Variants in RBFOX1 observed in about 807,000 individuals in gnomAD.
RBFOX1 encodes the protein RNA binding protein fox-1 homolog 1.
A neutral mutation model predicts 57.7 loss-of-function variants in RBFOX1; 8 were observed. That is an observed-to-expected ratio of 0.14 (90% confidence interval 0.08 to 0.25). RBFOX1 has a LOEUF of 0.25. RBFOX1 is among the 10% of genes least tolerant of loss of function. The probability of loss-of-function intolerance (pLI) is 1.00; values close to 1 mark genes in which losing one functional copy is unlikely to be tolerated. For missense variants in RBFOX1, 611 were observed against 548.5 expected (o/e 1.11, Z -1.14); for synonymous variants, 326 against 222.4 (o/e 1.47, Z -4.15).
chr16:6,406,714 T>G (rs1001970798), intron 2 of RBFOX1, among the ~76,000 whole-genome samples: 2 of 152,168 alleles, frequency 1.3e-5, no homozygotes, highest in African/African-American at 4.8e-5. Flanking sequence ...GGATAGAGGA[T>G]GCTGGGACCC....
At chr16:6,734,325 A>T (rs2069490117) in intron 3 of RBFOX1, among the ~76,000 whole-genome samples, 1 of 152,204 alleles carries the variant, frequency 6.6e-6, no homozygotes, top group Non-Finnish European at 1.5e-5. Flanking sequence ...AGGCAAAAAG[A>T]CTATCCTCTG....
At chr16:7,562,077 C>T (rs1392595558) in intron 5 of RBFOX1, among the ~76,000 whole-genome samples, 1 of 152,066 alleles carries the variant, frequency 6.6e-6, no homozygotes, top group African/African-American at 2.4e-5. Flanking sequence ...AGGGAGGCTG[C>T]TGGAAGATTG....
rs2080533291 is a variant in RBFOX1 at position 6,780,207 on chromosome 16, A to ATT, written c.-16+125559_-16+125560dup. On this transcript the variant is annotated intron_variant, in intron 3 of 15. Coordinates refer to ENST00000550418, the MANE Select transcript of RBFOX1 (RefSeq NM_018723.4). ...TATATATATTTATATATTTTTATAT[A>ATT]TTTATATATATTTATATATATATTT... 7.1e-5 allele frequency among the ~76,000 whole-genome samples: 3 copies of ATT among 42,416 alleles called. 1 individual carries two copies. Among genetic ancestry groups the ATT allele is most frequent in the African/African-American group, 5.4e-4 (3 of 5,520 alleles). The allele number at this position is 42,416 out of a possible 152,430, so 27.8% of individuals were successfully genotyped here.
intron 2 of RBFOX1, among the ~76,000 whole-genome samples, chr16:5,495,733 T>C (rs11647025): frequency 0.32 from 48,853 of 152,178 alleles, 9,780 homozygotes; most frequent in African/African-American, 0.57. Flanking sequence ...GATCCATAAA[T>C]ACCCATATCT....
At chr16:7,404,787 G>A (rs1189339732) in intron 4 of RBFOX1, among the ~76,000 whole-genome samples, 2 of 152,202 alleles carry the variant, frequency 1.3e-5, no homozygotes, top group African/African-American at 2.4e-5. Context: ...CAGGTAGAAT[G>A]CACAATAGGT....
chr16:7,147,797 T>C lies in RBFOX1; in HGVS notation c.27+95699T>C, dbSNP rs556509392. Among the ~76,000 whole-genome samples the C allele has an allele frequency of 5.9e-5, 9 of 152,308 alleles. No homozygotes were observed. In the East Asian group the frequency reaches 1.7e-3, roughly 29 times the overall value. ...GTGAACATGTGAGTGCGTGTGTCTT[T>C]TTGGTAGAACGATTTATTTTTCTTT... On this transcript the variant is annotated intron_variant, in intron 4 of 15. Transcript: ENST00000550418.
chr16:6,677,491 C>T (rs1478727131), intron 3 of RBFOX1, among the ~76,000 whole-genome samples: 2 of 152,142 alleles, frequency 1.3e-5, no homozygotes, highest in South Asian at 2.1e-4. Context: ...AAGTTTTAAA[C>T]ATCCAGCCTA....
intron 14 of RBFOX1, among the ~76,000 whole-genome samples, chr16:7,706,676 CT>C (rs1298736764): frequency 1.3e-5 from 2 of 152,172 alleles, no homozygotes; most frequent in Admixed American, 6.5e-5. Context: ...TTCAGTTTGC[CT>C]CTGCACTTCA....
rs970179270 is a variant in RBFOX1 at position 6,841,044 on chromosome 16, C to G, written c.-16+186394C>G. ...AGCCTCCAGAATTGGGAGAAATAAACTTGTTTTGTGCAAGCCACCTGTTTG... is the reference window on the plus strand; with the variant it reads ...AGCCTCCAGAATTGGGAGAAATAAAGTTGTTTTGTGCAAGCCACCTGTTTG... On this transcript the variant is annotated intron_variant, in intron 3 of 15. Coordinates refer to ENST00000550418, the MANE Select transcript of RBFOX1 (RefSeq NM_018723.4). Among the ~76,000 whole-genome samples, 18 of 152,116 alleles carry G rather than the reference C, an allele frequency of 1.2e-4. 1 individual carries two copies. Among genetic ancestry groups the G allele is most frequent in the Admixed American group, 2.6e-4 (4 of 15,260 alleles).
intron 4 of RBFOX1, among the ~76,000 whole-genome samples, chr16:7,130,308 T>A (rs775637763): frequency 5.9e-5 from 9 of 152,160 alleles, no homozygotes; most frequent in Non-Finnish European, 1.2e-4. Flanking sequence ...GTGCTGAGAT[T>A]GTAGGCATGA....
At chr16:7,295,973 G>C (rs2095879675) in intron 4 of RBFOX1, among the ~76,000 whole-genome samples, 1 of 152,166 alleles carries the variant, frequency 6.6e-6, no homozygotes. Context: ...AAAGAGAATA[G>C]TTATTCAAGC....
intron 1 of RBFOX1, among the ~76,000 whole-genome samples, chr16:5,284,017 A>G (rs1029723562): frequency 6.6e-6 from 1 of 152,142 alleles, no homozygotes; most frequent in African/African-American, 2.4e-5. Flanking sequence ...GAAGTAATTG[A>G]GTCATGGGGG....
chr16:6,984,308 G>A (rs1052380545), intron 3 of RBFOX1, among the ~76,000 whole-genome samples: 1 of 152,054 alleles, frequency 6.6e-6, no homozygotes, highest in Non-Finnish European at 1.5e-5. Context: ...AGAGAAATTT[G>A]ACCAGCCCTT....
At chr16:5,263,099 G>T (rs562067772) in intron 1 of RBFOX1, among the ~76,000 whole-genome samples, 1 of 151,878 alleles carries the variant, frequency 6.6e-6, no homozygotes, top group African/African-American at 2.4e-5. Context: ...GTGGTGGTGG[G>T]AAACTTGTAG....
chr16:6,160,725 C>T (rs2096871959), intron 1 of RBFOX1, among the ~76,000 whole-genome samples: 1 of 152,206 alleles, frequency 6.6e-6, no homozygotes, highest in Non-Finnish European at 1.5e-5. Flanking sequence ...CCACTCCCAT[C>T]TTGCCTCCTG....
chr16:6,326,557 A>G (rs1019020362), intron 2 of RBFOX1, among the ~76,000 whole-genome samples: 2 of 152,024 alleles, frequency 1.3e-5, no homozygotes, highest in African/African-American at 2.4e-5. Flanking sequence ...CTCAGAGGGC[A>G]TTCTCCTCTC....
chr16:7,601,800 A>G (rs1312094301), intron 9 of RBFOX1, among the ~76,000 whole-genome samples: 1 of 152,182 alleles, frequency 6.6e-6, no homozygotes, highest in Non-Finnish European at 1.5e-5. Flanking sequence ...TAAAGTTACC[A>G]TTTCTACCGA....
chr16:6,384,989 C>T (rs912866960), intron 2 of RBFOX1, among the ~76,000 whole-genome samples: 2 of 152,306 alleles, frequency 1.3e-5, no homozygotes, highest in Admixed American at 1.3e-4. Flanking sequence ...GTGGGTGTCA[C>T]TCACCCTATT....
chr16:5,292,344 C>T (rs1262629364), intron 1 of RBFOX1, among the ~76,000 whole-genome samples: 1 of 152,190 alleles, frequency 6.6e-6, no homozygotes, highest in Non-Finnish European at 1.5e-5. Flanking sequence ...TGAGGAGTGC[C>T]TCTGTTGTTT....
Sources: gnomAD v4.1 joint callset for allele counts (sites outside exome capture counted in the v4.1 genomes callset) on GRCh38, gnomAD v4.1.1 for gene constraint, MANE v1.5 for transcripts, NCBI Gene and HGNC (gene_info 2026-07-23, HGNC 2026-07-21) for gene names.